The following SYN1 variants were observed in gnomAD, a reference collection of about 807,000 sequenced individuals.
SYN1 encodes the protein synapsin I.
Under a neutral mutation model 44.6 loss-of-function variants are expected in SYN1, and 8 were observed. The observed-to-expected ratio is 0.18, with a 90% confidence interval of 0.11 to 0.32. The LOEUF (loss-of-function observed/expected upper bound fraction) is 0.32, where lower values mean the gene tolerates loss of function less well. Among genes scored for constraint, SYN1 ranks in the 10% least tolerant of loss-of-function variants. The pLI is 1.00. For missense variants in SYN1, 451 were observed against 639.4 expected, an observed-to-expected ratio of 0.71 and a Z score of 3.18; for synonymous variants, 275 against 280.1, an observed-to-expected ratio of 0.98 and a Z score of 0.18.
chrX:47,619,804 A>G lies in SYN1; in HGVS notation c.-76T>C, dbSNP rs2057942855. 3 of 1,040,202 alleles carry G rather than the reference A, an allele frequency of 2.9e-6. No homozygotes were observed. The highest frequency in any genetic ancestry group is 2.7e-5 in the Admixed American group (1 of 37,044). 85.7% of individuals were successfully genotyped at this position (1,040,202 alleles called of 1,213,427 possible). ...GGGGGCGGACTGCGCGGTGCCCAGG[A>G]GCACAGCTGCGCTCTCAGGCACGAC... is the stretch of plus-strand genomic sequence containing the variant. On this transcript the variant is annotated 5_prime_UTR_variant, in exon 1 of 13. Transcript: ENST00000295987.
intron 5 of SYN1, among the ~76,000 whole-genome samples, chrX:47,593,769 C>G (rs191821117): frequency 2.1e-4 from 23 of 111,751 alleles, no homozygotes; most frequent in African/African-American, 7.5e-4. Flanking sequence ...TTCTCTATTT[C>G]TTTTATGGAA....
intron 5 of SYN1, among the ~76,000 whole-genome samples, chrX:47,595,368 T>G (rs1603065924): frequency 8.9e-6 from 1 of 111,893 alleles, no homozygotes; most frequent in East Asian, 2.8e-4. Context: ...GAAGCACAGG[T>G]AAAATAACCT....
In SYN1 at chrX:47,574,496, A is replaced by G; in HGVS notation, c.1488T>C (p.Leu496=). The change falls in exon 12 of 13, where the codon CTT becomes CTC. Residue 496 remains leucine (L), a synonymous_variant. Coordinates refer to ENST00000295987, the MANE Select transcript of SYN1 (RefSeq NM_006950.3). ...GCAGGGGGCTGCCAGCTGGGGGTCC[A>G]AGGCCTGAAAGGTGCTGCTGGCCCT... ...PPQGQQHLSG[L]GPPAGSPLPQ... is the part of the protein sequence containing the mutation. The G allele has an allele frequency of 9.3e-7, 1 of 1,072,703 alleles. No individual in the cohort carries two copies. The highest frequency in any genetic ancestry group is 1.2e-6 in the Non-Finnish European group (1 of 832,674). The allele number at this position is 1,072,703 out of a possible 1,213,427, so 88.4% of individuals were successfully genotyped here.
intron 7 of SYN1, 27 bp from the exon 8 acceptor site, chrX:47,576,433 G>T (rs1443428782): frequency 3.3e-6 from 4 of 1,210,638 alleles, no homozygotes; most frequent in Non-Finnish European, 4.5e-6. Flanking sequence ...CAGAAGCTCA[G>T]GGGTGCCTCA....
chrX:47,605,088 G>A (rs1201472073), intron 4 of SYN1, 21 bp from the exon 5 acceptor site: 5 of 1,200,573 alleles, frequency 4.2e-6, no homozygotes, highest in Admixed American at 4.4e-5. Context: ...CAGGAGAGCT[G>A]GGTCAGTGAG....
Position 47,619,412 on chromosome X carries a change from G to A in SYN1, c.317C>T (p.Ala106Val), listed in dbSNP as rs1163666302. The A allele has an allele frequency of 2.5e-6, 3 of 1,188,052 alleles. No homozygotes were observed. Among genetic ancestry groups the A allele is most frequent in the Non-Finnish European group, 1.1e-6 (1 of 889,334 alleles). ...CCTGGAGGCGGCTCCCCCGCGGCCT[G>A]CGCCCCCAGAGCCGCCGCCCACCTG... ...SEQVGGGSGG[A>V]GRGGAASRVL... is the part of the protein sequence containing the mutation. The change falls in exon 1 of 13, where the codon GCA becomes GTA. Residue 106 changes from alanine to valine, a missense_variant. Ala to Val is a moderately conservative substitution (Grantham distance 64). Around this residue, in one of 3 missense-constraint regions of SYN1, gnomAD observed 315 missense variants for 451.4 expected, o/e 0.70. Coordinates refer to ENST00000295987, the MANE Select transcript of SYN1 (RefSeq NM_006950.3).
At chrX:47,615,876 A>G (rs1482045369) in intron 1 of SYN1, among the ~76,000 whole-genome samples, 1 of 110,206 alleles carries the variant, frequency 9.1e-6, no homozygotes, top group Non-Finnish European at 1.9e-5. Context: ...TGGGCGACAG[A>G]GCAAGACTCC....
At chrX:47,590,337 G>A in intron 5 of SYN1, 1 of 111,208 alleles carries the variant, frequency 9.0e-6, no homozygotes, top group African/African-American at 3.3e-5. Context: ...TCCCCACCCT[G>A]TGTGGACTCC....
Position 47,574,169 on chromosome X carries a change from G to A in SYN1, c.1815C>T (p.Ser605=), listed in dbSNP as rs1452773137. ...CAGTGCGGGGCACGGGACCCGCCTG[G>A]CTGGCCTGGCGTGTGGGGCCGGCTG... The part of the protein sequence containing the change: ...PGPAGPTRQA[S]QAGPVPRTGP... Residue 605 remains serine, a synonymous_variant, in exon 12 of 13, where the codon AGC becomes AGT. Transcript: ENST00000295987. 2.8e-6 allele frequency: 3 copies of A among 1,052,632 alleles called. No homozygotes were observed. Among genetic ancestry groups the A allele is most frequent in the Admixed American group, 4.4e-5 (1 of 22,635 alleles). The allele number at this position is 1,052,632 out of a possible 1,213,427, so 86.7% of individuals were successfully genotyped here.
Position 47,576,233 on chromosome X carries a change from T to A in SYN1, c.1056A>T (p.Arg352Ser). The A allele has an allele frequency of 8.3e-7, 1 of 1,202,084 alleles. No individual in the cohort carries two copies. Residue 352 changes from arginine (R) to serine (S), a missense_variant and splice_region_variant, in exon 9 of 13, where the codon AGA becomes AGT. Arg to Ser is a moderately radical substitution (Grantham distance 110). Transcript: ENST00000295987. ...AGCACGTGTCCACCCACAGCTTGTATCTGCCAAGACAAAGGGTGGGGAAGC... is the reference window on the plus strand; with the variant it reads ...AGCACGTGTCCACCCACAGCTTGTAACTGCCAAGACAAAGGGTGGGGAAGC... Reference protein sequence around the residue: ...AMLEQIAMSDRYKLWVDTCSE... With the variant: ...AMLEQIAMSDSYKLWVDTCSE...
chrX:47,586,094 A>AC, intron 5 of SYN1: 1 of 944,733 alleles, frequency 1.1e-6, no homozygotes, highest in Non-Finnish European at 1.3e-6. Context: ...AGGGTGTTAC[A>AC]CTGACCTCCT....
Position 47,613,131 on chromosome X carries a change from C to CAAAAAAA in SYN1, c.378-5940_378-5934dup, listed in dbSNP as rs752216661. On this transcript the variant is annotated intron_variant, in intron 1 of 12. Coordinates refer to ENST00000295987, the MANE Select transcript of SYN1 (RefSeq NM_006950.3). ...GGGCAATAGAGCGAGACTCCGTCTC[C>CAAAAAAA]AAAAAAAAAAAAAAAAAAAAAAAAA... Among the ~76,000 whole-genome samples the CAAAAAAA allele has an allele frequency of 1.1e-4, 4 of 37,387 alleles. No homozygotes were observed. The East Asian group carries it at 4.2e-3, about 39-fold the overall frequency. 32.5% of individuals were successfully genotyped at this position (37,387 alleles called of 115,157 possible).
At chrX:47,575,067 T>A in intron 10 of SYN1, 61 bp downstream of exon 10, 1 of 1,158,505 alleles carries the variant, frequency 8.6e-7, no homozygotes, top group South Asian at 1.9e-5. Flanking sequence ...TGGCACAGCA[T>A]GACCCAGGGC....
rs756358704 is a variant in SYN1 at position 47,609,915 on chromosome X, G to A, written c.378-2717C>T. On this transcript the variant is annotated intron_variant, in intron 1 of 12. Coordinates refer to ENST00000295987, the MANE Select transcript of SYN1 (RefSeq NM_006950.3). ...AGTAGCGGTGACTTTTCCTGATGGT[G>A]GGCTGTAATGGGATTCTGGTGGAAG... Among the ~76,000 whole-genome samples the A allele has an allele frequency of 2.7e-5, 3 of 111,442 alleles. No individual in the cohort carries two copies. In the East Asian group the frequency reaches 8.5e-4, roughly 31 times the overall value.
At chrX:47,573,377 GAGGGCATAGAA>G (rs1261675978) in intron 12 of SYN1, among the ~76,000 whole-genome samples, 1 of 111,759 alleles carries the variant, frequency 8.9e-6, no homozygotes, top group Non-Finnish European at 1.9e-5. Context: ...AGGTGTCTAG[GAGGGCATAGAA>G]AGGGCTTGGA....
At chrX:47,612,664 A>G (rs1028707983) in intron 1 of SYN1, among the ~76,000 whole-genome samples, 1 of 112,196 alleles carries the variant, frequency 8.9e-6, no homozygotes, top group Admixed American at 9.5e-5. Context: ...GCACCTGCTC[A>G]TCTCCTTTGT....
chrX:47,586,845 T>C, intron 5 of SYN1: 1 of 718,019 alleles, frequency 1.4e-6, no homozygotes, highest in Non-Finnish European at 2.0e-6. Flanking sequence ...TGACCTGGTG[T>C]GAGCACCCTG....
intron 6 of SYN1, 119 bp downstream of exon 6, chrX:47,577,320 A>G (rs931155557): frequency 2.1e-5 from 16 of 775,585 alleles, no homozygotes; most frequent in Non-Finnish European, 3.1e-5. Context: ...CAAAACCCGC[A>G]ATTACTTTTG....
At chrX:47,575,871 C>T (rs2057775945) in intron 9 of SYN1, among the ~76,000 whole-genome samples, 1 of 112,014 alleles carries the variant, frequency 8.9e-6, no homozygotes, top group African/African-American at 3.3e-5. Context: ...AAGTGCCTCG[C>T]CATTCACCAA....
Sources: gnomAD v4.1 joint callset for allele counts (sites outside exome capture counted in the v4.1 genomes callset) on GRCh38, gnomAD v4.1.1 for gene constraint, gnomAD v4.1.1 regional missense constraint, MANE v1.5 for transcripts, NCBI Gene and HGNC (gene_info 2026-07-23, HGNC 2026-07-21) for gene names.